MYO3A: variants seen among roughly 807,000 people sequenced by gnomAD.
MYO3A encodes myosin-IIIa.
A neutral mutation model predicts 192.7 loss-of-function variants in MYO3A; 180 were observed. That is an observed-to-expected ratio of 0.93 (90% CI 0.83 to 1.06). The LOEUF (loss-of-function observed/expected upper bound fraction) is 1.06. MYO3A is among the 50% of genes least tolerant of loss of function. The pLI is 0.00. For missense variants in MYO3A, 1,896 were observed against 1,905.0 expected (o/e 1.00, Z 0.09); for synonymous variants, 628 against 645.3 (o/e 0.97, Z 0.41).
At chr10:26,037,368 A>C (rs1843093362) in intron 10 of MYO3A, among the ~76,000 whole-genome samples, 1 of 152,248 alleles carries the variant, frequency 6.6e-6, no homozygotes, top group African/African-American at 2.4e-5. Flanking sequence ...TTATATGTTC[A>C]ACAGACACAA....
In MYO3A at chr10:26,074,088, G is replaced by GA. The variant is rs1362835270; in HGVS notation, c.1359+3695dup. Among the ~76,000 whole-genome samples, 22 of 151,462 alleles carry GA rather than the reference G, an allele frequency of 1.5e-4. No individual in the cohort carries two copies. The East Asian group carries it at 3.3e-3, about 23-fold the overall frequency. On this transcript the variant is annotated intron_variant, in intron 14 of 34. Coordinates refer to ENST00000642920, the MANE Select transcript of MYO3A (RefSeq NM_017433.5). ...TTTAATAACATTAATGGCCAAAAAAGAAAAAAAACTGTTTACAATTTATGC... is the reference window on the plus strand; with the variant it reads ...TTTAATAACATTAATGGCCAAAAAAGAAAAAAAAACTGTTTACAATTTATGC...
chr10:26,186,218 T>G, intron 31 of MYO3A, among the ~76,000 whole-genome samples: 1 of 152,062 alleles, frequency 6.6e-6, no homozygotes, highest in South Asian at 2.1e-4. Flanking sequence ...CTTCAACAAT[T>G]TGGGAGCATA....
intron 6 of MYO3A, among the ~76,000 whole-genome samples, chr10:26,008,590 C>A (rs368411214): frequency 2.6e-5 from 4 of 151,418 alleles, no homozygotes; most frequent in African/African-American, 9.8e-5. Context: ...CACTTCTCAA[C>A]AGAAGACATT....
chr10:26,200,441 G>C (rs1843629951), intron 32 of MYO3A, among the ~76,000 whole-genome samples: 1 of 152,160 alleles, frequency 6.6e-6, no homozygotes, highest in Non-Finnish European at 1.5e-5. Context: ...GGTGAGTATG[G>C]TGTCTGTTTT....
At chr10:26,003,085 T>G (rs10828928) in intron 6 of MYO3A, among the ~76,000 whole-genome samples, 67,819 of 151,934 alleles carry the variant, frequency 0.45, 15,996 homozygotes, top group East Asian at 0.62. Flanking sequence ...ACACAGAATC[T>G]GCAAGGGCAT....
At chr10:26,014,604 A>G (rs1409137748) in intron 6 of MYO3A, among the ~76,000 whole-genome samples, 2 of 152,142 alleles carry the variant, frequency 1.3e-5, no homozygotes, top group Non-Finnish European at 2.9e-5. Context: ...GTCATGGAAC[A>G]GTCTAGGAAG....
chr10:26,173,771 C>G lies in MYO3A; in HGVS notation c.3507C>G (p.Phe1169Leu). ...GSVSVVKTST[F>L]KPEEETTNAV... ...TATCTGTAGTGAAGACTTCCACTTTCAAACCTGAAGAGGAAACCACCAATG... is the reference window on the plus strand; with the variant it reads ...TATCTGTAGTGAAGACTTCCACTTTGAAACCTGAAGAGGAAACCACCAATG... Residue 1169 changes from phenylalanine to leucine, a missense_variant, in exon 30 of 35, where the codon TTC becomes TTG. Physicochemically the swap from Phe to Leu is conservative, Grantham distance 22. Coordinates refer to ENST00000642920, the MANE Select transcript of MYO3A (RefSeq NM_017433.5). 2.5e-6 allele frequency: 4 copies of G among 1,614,070 alleles called. No individual in the cohort carries two copies. Among genetic ancestry groups the G allele is most frequent in the Non-Finnish European group, 3.4e-6 (4 of 1,179,966 alleles).
At chr10:26,209,243 G>A (rs1844111901) in intron 34 of MYO3A, among the ~76,000 whole-genome samples, 1 of 152,058 alleles carries the variant, frequency 6.6e-6, no homozygotes, top group Middle Eastern at 3.2e-3. Context: ...CTAAATCCAA[G>A]TGCTATCATT....
At chr10:25,961,553 A>G (rs1358667002) in intron 4 of MYO3A, among the ~76,000 whole-genome samples, 1 of 152,164 alleles carries the variant, frequency 6.6e-6, no homozygotes, top group Non-Finnish European at 1.5e-5. Context: ...AAATATCTCT[A>G]AATGACTTTG....
chr10:25,993,501 T>A (rs1313712950), intron 4 of MYO3A, among the ~76,000 whole-genome samples: 1 of 152,200 alleles, frequency 6.6e-6, no homozygotes, highest in Non-Finnish European at 1.5e-5. Context: ...GTTTTTTGTG[T>A]CTCTATCTCC....
At chr10:26,033,154 A>C (rs1842876908) in intron 10 of MYO3A, among the ~76,000 whole-genome samples, 1 of 151,854 alleles carries the variant, frequency 6.6e-6, no homozygotes, top group Non-Finnish European at 1.5e-5. Flanking sequence ...GCTCACTGCA[A>C]CCCCCACCTC....
intron 20 of MYO3A, among the ~76,000 whole-genome samples, chr10:26,138,579 G>A (rs187932819): frequency 6.6e-6 from 1 of 151,976 alleles, no homozygotes; most frequent in Non-Finnish European, 1.5e-5. Context: ...CCAAGCTTGG[G>A]GCTTACATTT....
At chr10:25,940,620 CAG>C (rs1330571570) in intron 2 of MYO3A, among the ~76,000 whole-genome samples, 2 of 152,052 alleles carry the variant, frequency 1.3e-5, no homozygotes. Flanking sequence ...TGCTCTTTCT[CAG>C]GGGTCAGTGG....
At chr10:26,032,247 A>G (rs1457057095) in intron 10 of MYO3A, among the ~76,000 whole-genome samples, 1 of 152,234 alleles carries the variant, frequency 6.6e-6, no homozygotes. Flanking sequence ...TCAGGCCAGA[A>G]TATAAGGCAT....
chr10:25,949,994 T>C (rs1255826530), intron 2 of MYO3A, among the ~76,000 whole-genome samples: 1 of 152,186 alleles, frequency 6.6e-6, no homozygotes. Context: ...TACCATGTAC[T>C]AGGCATTGTT....
chr10:26,031,712 G>A (rs1001304636), intron 10 of MYO3A, among the ~76,000 whole-genome samples: 2 of 152,158 alleles, frequency 1.3e-5, no homozygotes, highest in Non-Finnish European at 2.9e-5. Context: ...TGCTCAGGCT[G>A]GCCTCAAAAT....
At position 26,212,155 on chromosome 10, in the gene MYO3A, G is replaced by A. The variant is rs1025843968; in HGVS notation, c.*192G>A. The A allele has an allele frequency of 1.7e-5, 14 of 838,570 alleles. No homozygotes were observed. The highest frequency in any genetic ancestry group is 3.7e-4 in the Middle Eastern group (1 of 2,690). 51.9% of individuals were successfully genotyped at this position (838,570 alleles called of 1,614,324 possible). ...GTGCTCCGAAACAAGAGACCTGGGAGCCCTCGGGAAACCTCCCCCGACGCT... is the reference window on the plus strand; with the variant it reads ...GTGCTCCGAAACAAGAGACCTGGGAACCCTCGGGAAACCTCCCCCGACGCT... On this transcript the variant is annotated 3_prime_UTR_variant, in exon 35 of 35. Coordinates refer to ENST00000642920, the MANE Select transcript of MYO3A (RefSeq NM_017433.5).
intron 10 of MYO3A, among the ~76,000 whole-genome samples, chr10:26,054,427 C>T (rs11818977): frequency 0.16 from 24,739 of 152,118 alleles, 2,307 homozygotes; most frequent in Non-Finnish European, 0.21. Flanking sequence ...TTTTTACATA[C>T]GGTCCAGGTT....
intron 4 of MYO3A, among the ~76,000 whole-genome samples, chr10:25,992,371 C>G (rs1244103058): frequency 6.6e-6 from 1 of 150,416 alleles, no homozygotes; most frequent in African/African-American, 2.5e-5. Flanking sequence ...GTATCCTGAG[C>G]CTTTGCTGAA....
Sources: allele counts gnomAD v4.1 joint callset (sites outside exome capture counted in the v4.1 genomes callset), GRCh38; gene constraint gnomAD v4.1.1; transcripts MANE v1.5; gene names NCBI Gene and HGNC (gene_info 2026-07-23, HGNC 2026-07-21).